AP1S3: variants seen among roughly 807,000 people sequenced by gnomAD.
The protein encoded by AP1S3 is adaptor related protein complex 1 subunit sigma 3, also known as AP-1 complex subunit sigma-3.
AP1S3 carries 10 observed loss-of-function variants against 20.9 expected under a neutral mutation model. The ratio of observed to expected loss-of-function variants is 0.48; its 90% CI spans 0.29 to 0.81. The LOEUF (loss-of-function observed/expected upper bound fraction) is 0.81. Ranked by LOEUF, AP1S3 falls within the 30% of genes least tolerant of loss-of-function variation. The pLI, the probability that AP1S3 is intolerant of heterozygous loss-of-function variation, is 0.08. For missense variants in AP1S3, 154 were observed against 183.8 expected, an observed-to-expected ratio of 0.84 and a Z score of 0.94; for synonymous variants, 41 against 61.5, an observed-to-expected ratio of 0.67 and a Z score of 1.56.
chr2:223,817,649 T>A (rs7592479), intron 1 of AP1S3, among the ~76,000 whole-genome samples: 48,802 of 150,574 alleles, frequency 0.32, 8,524 homozygotes, highest in Middle Eastern at 0.42. Context: ...TTGGAAGAGT[T>A]TGGGACCACA....
chr2:223,813,162 G>C (rs1691773248), intron 1 of AP1S3, among the ~76,000 whole-genome samples: 1 of 152,034 alleles, frequency 6.6e-6, no homozygotes, highest in Non-Finnish European at 1.5e-5. Flanking sequence ...GGCCAGGCTG[G>C]TCTCAAACTC....
intron 3 of AP1S3, among the ~76,000 whole-genome samples, chr2:223,768,110 T>C (rs558259268): frequency 1.3e-5 from 2 of 152,306 alleles, no homozygotes; most frequent in South Asian, 2.1e-4. Flanking sequence ...CAAAGGCATA[T>C]AGGAATCTTT....
At chr2:223,789,227 A>C (rs558400265) in intron 1 of AP1S3, among the ~76,000 whole-genome samples, 3 of 152,114 alleles carry the variant, frequency 2.0e-5, no homozygotes, top group Non-Finnish European at 4.4e-5. Flanking sequence ...GAGTATACTC[A>C]GAGATGGTTA....
chr2:223,787,780 G>A (rs952846676), intron 1 of AP1S3, among the ~76,000 whole-genome samples: 20 of 152,114 alleles, frequency 1.3e-4, no homozygotes, highest in African/African-American at 4.6e-4. Context: ...TACACCATAC[G>A]ATAAGTTTCC....
intron 1 of AP1S3, among the ~76,000 whole-genome samples, chr2:223,790,926 G>C (rs928506022): frequency 1.6e-4 from 24 of 152,118 alleles, no homozygotes; most frequent in South Asian, 1.2e-3. Context: ...TAGAAGAGAT[G>C]GATAAATTCC....
intron 1 of AP1S3, among the ~76,000 whole-genome samples, chr2:223,802,469 A>AT (rs1354963339): frequency 6.6e-6 from 1 of 151,680 alleles, no homozygotes; most frequent in Non-Finnish European, 1.5e-5. Context: ...TACCCAGCTA[A>AT]TTTTTTTGTA....
intron 1 of AP1S3, among the ~76,000 whole-genome samples, chr2:223,829,443 G>A (rs917298754): frequency 2.6e-5 from 4 of 151,944 alleles, no homozygotes; most frequent in Non-Finnish European, 5.9e-5. Flanking sequence ...CCTGGCCAAC[G>A]TGGCAAAACC....
At chr2:223,768,279 C>T (rs918508715) in intron 3 of AP1S3, among the ~76,000 whole-genome samples, 4 of 152,136 alleles carry the variant, frequency 2.6e-5, no homozygotes, top group African/African-American at 9.7e-5. Flanking sequence ...TTTCTTTATT[C>T]TCCTGCTGGC....
intron 3 of AP1S3, among the ~76,000 whole-genome samples, chr2:223,775,607 G>A (rs1690765052): frequency 6.6e-6 from 1 of 152,164 alleles, no homozygotes; most frequent in Non-Finnish European, 1.5e-5. Flanking sequence ...TTGGGAAGCT[G>A]AGGTGGGAGA....
At chr2:223,827,332 T>C (rs1402392284) in intron 1 of AP1S3, among the ~76,000 whole-genome samples, 1 of 152,136 alleles carries the variant, frequency 6.6e-6, no homozygotes, top group Non-Finnish European at 1.5e-5. Flanking sequence ...AAAAAAAATG[T>C]GATATTACTG....
At chr2:223,780,160 G>T (rs1416765956) in intron 1 of AP1S3, among the ~76,000 whole-genome samples, 3 of 151,028 alleles carry the variant, frequency 2.0e-5, no homozygotes, top group Non-Finnish European at 4.4e-5. Flanking sequence ...AGAATTTGAG[G>T]TCTTCTTTTG....
At position 223,758,702 on chromosome 2, in the gene AP1S3, A is replaced by G. The variant is rs1474537756; in HGVS notation, c.*13T>C. 6.2e-7 allele frequency: 1 copy of G among 1,607,516 alleles called. No homozygotes were observed. Among genetic ancestry groups the G allele is most frequent in the Non-Finnish European group, 8.5e-7 (1 of 1,177,188 alleles). ...ATAACATGTAGTGCTGGAGTCTTCA[A>G]GTAGATTTCCAGTTAAAATGTAGGC... On this transcript the variant is annotated 3_prime_UTR_variant, in exon 5 of 5. Transcript: ENST00000396654.
intron 1 of AP1S3, among the ~76,000 whole-genome samples, chr2:223,794,982 C>T (rs551901682): frequency 5.9e-5 from 9 of 152,302 alleles, no homozygotes; most frequent in African/African-American, 1.7e-4. Context: ...GCAGGCCAGG[C>T]GCAGTGGCTC....
chr2:223,760,534 T>C (rs996100629), intron 4 of AP1S3, among the ~76,000 whole-genome samples: 1 of 152,194 alleles, frequency 6.6e-6, no homozygotes, highest in African/African-American at 2.4e-5. Context: ...TAAGTGGGCA[T>C]TGGCCAAGAC....
intron 1 of AP1S3, among the ~76,000 whole-genome samples, chr2:223,802,547 C>T (rs1375107543): frequency 9.9e-5 from 15 of 152,138 alleles, no homozygotes; most frequent in South Asian, 4.2e-4. Context: ...TCAGGTGATC[C>T]GGCCACCTCA....
At chr2:223,813,147 A>G (rs559932029) in intron 1 of AP1S3, among the ~76,000 whole-genome samples, 9 of 152,172 alleles carry the variant, frequency 5.9e-5, no homozygotes, top group Admixed American at 1.3e-4. Context: ...AGTTTTTGCC[A>G]TGTTGGCCAG....
chr2:223,768,402 C>T lies in AP1S3; in HGVS notation c.292-3052G>A, dbSNP rs189144255. Among the ~76,000 whole-genome samples the T allele has an allele frequency of 3.3e-3, 496 of 152,318 alleles. 2 individuals are homozygous for T. Among genetic ancestry groups the T allele is most frequent in the Non-Finnish European group, 3.1e-3 (213 of 68,026 alleles). On this transcript the variant is annotated intron_variant, in intron 3 of 4. Transcript: ENST00000396654. ...ATCACTTCCTGTGGGTTCTCACTTACATCTTCTGTGCACTAGTTTCTGCTT... is the reference window on the plus strand; with the variant it reads ...ATCACTTCCTGTGGGTTCTCACTTATATCTTCTGTGCACTAGTTTCTGCTT...
At chr2:223,760,203 G>A (rs1011688362) in intron 4 of AP1S3, among the ~76,000 whole-genome samples, 1 of 151,952 alleles carries the variant, frequency 6.6e-6, no homozygotes, top group Admixed American at 6.6e-5. Flanking sequence ...AGCTCGAGAG[G>A]ACAAAAAATC....
intron 1 of AP1S3, among the ~76,000 whole-genome samples, chr2:223,818,375 C>G (rs1295230053): frequency 6.6e-6 from 1 of 150,986 alleles, no homozygotes; most frequent in Non-Finnish European, 1.5e-5. Flanking sequence ...CGAGATCGAG[C>G]CACTGCACTC....
Sources: gnomAD v4.1 joint callset for allele counts (sites outside exome capture counted in the v4.1 genomes callset) on GRCh38, gnomAD v4.1.1 for gene constraint, MANE v1.5 for transcripts, NCBI Gene and HGNC (gene_info 2026-07-23, HGNC 2026-07-21) for gene names.